Variants in STAG1 observed in about 807,000 individuals in gnomAD.
STAG1 encodes the protein STAG1 cohesin complex component, also known as cohesin subunit SA-1.
A neutral mutation model predicts 170.9 loss-of-function variants in STAG1; 26 were observed. The ratio of observed to expected loss-of-function variants is 0.15; its 90% CI spans 0.11 to 0.21. STAG1 has a LOEUF of 0.21. Among genes scored for constraint, STAG1 ranks in the 10% least tolerant of loss-of-function variants. STAG1 has a pLI of 1.00. For missense variants in STAG1, 964 were observed against 1,509.5 expected, an observed-to-expected ratio of 0.64 and a Z score of 5.99; for synonymous variants, 514 against 497.7, an observed-to-expected ratio of 1.03 and a Z score of -0.44.
chr3:136,564,077 T>C (rs1402654192), intron 5 of STAG1, among the ~76,000 whole-genome samples: 1 of 152,150 alleles, frequency 6.6e-6, no homozygotes, highest in Non-Finnish European at 1.5e-5. Flanking sequence ...TTCCTCATTC[T>C]TTTTTACAGT....
At chr3:136,671,449 G>C (rs945369687) in intron 1 of STAG1, among the ~76,000 whole-genome samples, 1 of 152,164 alleles carries the variant, frequency 6.6e-6, no homozygotes, top group Non-Finnish European at 1.5e-5. Context: ...GGAATAGGAA[G>C]AAAAGGCTAA....
At chr3:136,345,714 C>G (rs1936196299) in intron 29 of STAG1, among the ~76,000 whole-genome samples, 1 of 152,122 alleles carries the variant, frequency 6.6e-6, no homozygotes, top group Non-Finnish European at 1.5e-5. Flanking sequence ...TGTTGCTTTT[C>G]CTCTCAAGTC....
chr3:136,680,271 A>G (rs1425295051), intron 1 of STAG1, among the ~76,000 whole-genome samples: 2 of 152,254 alleles, frequency 1.3e-5, no homozygotes, highest in African/African-American at 4.8e-5. Flanking sequence ...AAATAAAAAA[A>G]GAAAATAATA....
intron 1 of STAG1, among the ~76,000 whole-genome samples, chr3:136,713,279 C>A (rs1239020642): frequency 1.3e-5 from 2 of 151,892 alleles, no homozygotes; most frequent in Non-Finnish European, 2.9e-5. Flanking sequence ...GCCAAGGAAG[C>A]AAGACACAAA....
intron 13 of STAG1, among the ~76,000 whole-genome samples, chr3:136,457,320 T>C (rs902674294): frequency 6.6e-6 from 1 of 152,002 alleles, no homozygotes; most frequent in Non-Finnish European, 1.5e-5. Context: ...CGTAAACATG[T>C]TCTCCATTAT....
At chr3:136,472,998 T>C (rs1252942861) in intron 11 of STAG1, among the ~76,000 whole-genome samples, 1 of 152,188 alleles carries the variant, frequency 6.6e-6, no homozygotes, top group African/African-American at 2.4e-5. Flanking sequence ...CATCTGTATT[T>C]ACAGCTGTTC....
chr3:136,470,487 C>G (rs764745755), intron 12 of STAG1, among the ~76,000 whole-genome samples: 9 of 152,150 alleles, frequency 5.9e-5, no homozygotes, highest in East Asian at 1.9e-4. Context: ...TAGGAAACAA[C>G]AGATGTTGGA....
At chr3:136,604,855 G>A (rs912202992) in intron 3 of STAG1, among the ~76,000 whole-genome samples, 3 of 152,042 alleles carry the variant, frequency 2.0e-5, no homozygotes, top group African/African-American at 7.2e-5. Flanking sequence ...TCACCATGTT[G>A]GCCAGGCTGG....
At chr3:136,692,258 G>A (rs900064892) in intron 1 of STAG1, among the ~76,000 whole-genome samples, 2 of 137,212 alleles carry the variant, frequency 1.5e-5, no homozygotes, top group African/African-American at 5.7e-5. Flanking sequence ...AGGCTGCAGT[G>A]AGCCAAGATC....
chr3:136,720,083 G>A (rs1933143488), intron 1 of STAG1, among the ~76,000 whole-genome samples: 1 of 151,748 alleles, frequency 6.6e-6, no homozygotes, highest in Non-Finnish European at 1.5e-5. Context: ...GGCTGAGGTA[G>A]GAGAATCGCT....
chr3:136,495,184 C>T (rs1335445760), intron 9 of STAG1, among the ~76,000 whole-genome samples: 1 of 152,042 alleles, frequency 6.6e-6, no homozygotes, highest in East Asian at 1.9e-4. Flanking sequence ...CATGGTAATT[C>T]AATTGGGGAA....
intron 1 of STAG1, among the ~76,000 whole-genome samples, chr3:136,720,863 T>C (rs531732037): frequency 1.4e-4 from 22 of 152,268 alleles, no homozygotes; most frequent in Admixed American, 5.2e-4. Flanking sequence ...CTACCACTTA[T>C]ATTCATATTT....
intron 4 of STAG1, among the ~76,000 whole-genome samples, chr3:136,600,602 G>T (rs956382399): frequency 6.6e-6 from 1 of 152,182 alleles, no homozygotes; most frequent in African/African-American, 2.4e-5. Flanking sequence ...CACAATCTTG[G>T]CTCAATGCAA....
At chr3:136,344,525 T>A (rs550987787) in intron 29 of STAG1, among the ~76,000 whole-genome samples, 2 of 152,284 alleles carry the variant, frequency 1.3e-5, no homozygotes, top group South Asian at 2.1e-4. Context: ...CATGTGGAGA[T>A]GGGTTGAAAG....
rs117069616 is a variant in STAG1, at chr3:136,338,489, T to G, written c.3673-39A>C. On this transcript the variant is annotated intron_variant, in intron 32 of 33. Transcript: ENST00000383202. ...TCGGTTTCTTAATTTTTTTCTGAGA[T>G]CATTAAGACAATGAATTGTGATAAT... 1.9e-3 allele frequency: 2,663 copies of G among 1,438,732 alleles called. 52 individuals are homozygous for G. The East Asian group carries it at 0.039, about 21-fold the overall frequency. 89.1% of individuals were successfully genotyped at this position (1,438,732 alleles called of 1,614,324 possible). A position where few individuals can be genotyped will look rare whatever the true frequency, so the allele number is the denominator to read the frequency against.
intron 4 of STAG1, among the ~76,000 whole-genome samples, chr3:136,585,253 C>T (rs540074376): frequency 6.6e-6 from 1 of 152,196 alleles, no homozygotes; most frequent in South Asian, 2.1e-4. Flanking sequence ...ACCAGCCTGG[C>T]CAACATGGTA....
chr3:136,652,858 G>C (rs1941261456), intron 1 of STAG1, among the ~76,000 whole-genome samples: 3 of 152,130 alleles, frequency 2.0e-5, no homozygotes, highest in Admixed American at 6.6e-5. Flanking sequence ...AGTTGTTGTG[G>C]AGACTAGCCT....
intron 22 of STAG1, among the ~76,000 whole-genome samples, chr3:136,379,843 T>C (rs1031304888): frequency 1.3e-5 from 2 of 152,168 alleles, no homozygotes; most frequent in African/African-American, 4.8e-5. Flanking sequence ...TAGAAGACCA[T>C]TTAAAATATC....
At chr3:136,388,528 C>G (rs2086926938) in intron 22 of STAG1, among the ~76,000 whole-genome samples, 1 of 152,052 alleles carries the variant, frequency 6.6e-6, no homozygotes, top group African/African-American at 2.4e-5. Context: ...ACCACCACGC[C>G]CAGCTAATTT....
Sources: allele counts gnomAD v4.1 joint callset (sites outside exome capture counted in the v4.1 genomes callset), GRCh38; gene constraint gnomAD v4.1.1; transcripts MANE v1.5; gene names NCBI Gene and HGNC (gene_info 2026-07-23, HGNC 2026-07-21).